The following SYT16 variants were observed in gnomAD, a reference collection of about 807,000 sequenced individuals.
SYT16 encodes the protein synaptotagmin 16, also known as synaptotagmin-16.
In SYT16, 42 loss-of-function variants were observed where a neutral mutation model predicts 61.4. The ratio of observed to expected loss-of-function variants is 0.68; its 90% CI spans 0.53 to 0.89. The LOEUF is 0.89. Among genes scored for constraint, SYT16 ranks in the 40% least tolerant of loss-of-function variants. The probability of loss-of-function intolerance (pLI) is 0.00; values close to 1 mark genes in which losing one functional copy is unlikely to be tolerated. For missense variants in SYT16, 804 were observed against 807.3 expected, an observed-to-expected ratio of 1.00 and a Z score of 0.05; for synonymous variants, 314 against 302.3, an observed-to-expected ratio of 1.04 and a Z score of -0.40.
chr14:61,917,139 G>A (rs975007695), intron 1 of SYT16, among the ~76,000 whole-genome samples: 1 of 152,110 alleles, frequency 6.6e-6, no homozygotes, highest in Admixed American at 6.6e-5. Context: ...TGGTAGGTCT[G>A]TAGTTTTTTG....
rs566422902 is a variant in SYT16 at position 61,891,910 on chromosome 14, T to A, written c.-324-78222T>A. 2.6e-5 allele frequency among the ~76,000 whole-genome samples: 4 copies of A among 152,298 alleles called. No homozygotes were observed. The East Asian group carries it at 7.7e-4, about 29-fold the overall frequency. On this transcript the variant is annotated intron_variant, in intron 1 of 7. Transcript: ENST00000683842. ...GCTTTCATCTATTTTAAAGGTTGTT[T>A]TGGAAAATATAAGAAAATTCCCTAC...
At chr14:61,970,763 AAC>A (rs764410153) in intron 2 of SYT16, among the ~76,000 whole-genome samples, 2 of 152,188 alleles carry the variant, frequency 1.3e-5, no homozygotes, top group Non-Finnish European at 2.9e-5. Context: ...AGGGAAAAAT[AAC>A]ACACTTAAAG....
intron 1 of SYT16, among the ~76,000 whole-genome samples, chr14:61,846,982 T>C (rs1033089396): frequency 5.9e-5 from 9 of 152,210 alleles, no homozygotes; most frequent in African/African-American, 2.2e-4. Context: ...TTTAAACTTT[T>C]TGTTGCTTCT....
intron 5 of SYT16, chr14:62,079,206 GTC>G (rs2056618474): frequency 7.4e-6 from 2 of 268,976 alleles, no homozygotes; most frequent in South Asian, 1.4e-4. Context: ...GTATTCAAAA[GTC>G]TCTATAGCAA....
At chr14:61,853,381 T>C (rs954339811) in intron 1 of SYT16, among the ~76,000 whole-genome samples, 1 of 152,210 alleles carries the variant, frequency 6.6e-6, no homozygotes, top group Non-Finnish European at 1.5e-5. Flanking sequence ...CCTACTGTTA[T>C]GGTTTGAGAG....
chr14:61,937,879 C>T lies in SYT16; in HGVS notation c.-324-32253C>T, dbSNP rs560808324. Among the ~76,000 whole-genome samples the T allele has an allele frequency of 3.3e-5, 5 of 152,238 alleles. No homozygotes were observed. The South Asian group carries it at 6.2e-4, about 19-fold the overall frequency. On this transcript the variant is annotated intron_variant, in intron 1 of 7. Coordinates refer to ENST00000683842, the MANE Select transcript of SYT16 (RefSeq NM_001367656.1). ...TCCATGTGTCTATGTGTCAATCACA[C>T]ATATTGACAGAATACCCGCTTGTAC...
chr14:61,837,459 G>A (rs1462890125), intron 1 of SYT16, among the ~76,000 whole-genome samples: 2 of 151,398 alleles, frequency 1.3e-5, no homozygotes, highest in Non-Finnish European at 2.9e-5. Flanking sequence ...GGCTGGTCTC[G>A]AACTCCTGGC....
chr14:62,015,825 G>A (rs1441439312), intron 3 of SYT16, among the ~76,000 whole-genome samples: 1 of 152,146 alleles, frequency 6.6e-6, no homozygotes, highest in Non-Finnish European at 1.5e-5. Flanking sequence ...AATTTCTGTT[G>A]TCCATGAGCC....
At chr14:61,865,093 G>T in intron 1 of SYT16, 1 of 1,357,954 alleles carries the variant, frequency 7.4e-7, no homozygotes, top group South Asian at 1.2e-5. Context: ...GGCCCACTGT[G>T]ACTCATCTGC....
intron 7 of SYT16, among the ~76,000 whole-genome samples, chr14:62,093,428 A>G (rs994257520): frequency 6.6e-6 from 1 of 152,026 alleles, no homozygotes; most frequent in Non-Finnish European, 1.5e-5. Context: ...TATGTAAAAG[A>G]TAGATATTAG....
At chr14:62,067,789 C>T (rs1314468718) in intron 3 of SYT16, among the ~76,000 whole-genome samples, 1 of 150,492 alleles carries the variant, frequency 6.6e-6, no homozygotes, top group Admixed American at 6.6e-5. Context: ...TGGTGAAACC[C>T]TGTCTCTACT....
At chr14:61,832,298 G>A (rs72716755) in intron 1 of SYT16, 44,734 of 588,256 alleles carry the variant, frequency 0.076, 1,997 homozygotes, top group Non-Finnish European at 0.087. Context: ...CAACATTTCC[G>A]TGTGCTCGTA....
At chr14:61,910,666 T>G (rs2048900048) in intron 1 of SYT16, among the ~76,000 whole-genome samples, 1 of 151,832 alleles carries the variant, frequency 6.6e-6, no homozygotes, top group Non-Finnish European at 1.5e-5. Flanking sequence ...GTAGCTGGGA[T>G]TACAGTCATG....
rs558227231 is a variant in SYT16 at position 62,084,130 on chromosome 14, C to G, written c.1435-66C>G. 29 of 1,531,978 alleles carry G rather than the reference C, an allele frequency of 1.9e-5. No individual in the cohort carries two copies. The East Asian group carries it at 5.9e-4, about 31-fold the overall frequency. The allele number at this position is 1,531,978 out of a possible 1,614,324, so 94.9% of individuals were successfully genotyped here. On this transcript the variant is annotated intron_variant, in intron 6 of 7. Transcript: ENST00000683842. ...GTCACAATTTCACCAAACATAATAT[C>G]GGCTTTCTCTAAAAGAGAGTAGTGC...
intron 1 of SYT16, among the ~76,000 whole-genome samples, chr14:61,928,300 T>C (rs1566687795): frequency 6.6e-6 from 1 of 152,294 alleles, no homozygotes; most frequent in East Asian, 1.9e-4. Flanking sequence ...GGAATGGACA[T>C]CAGGGGCACT....
chr14:61,828,650 T>C (rs1016466372), intron 1 of SYT16, among the ~76,000 whole-genome samples: 1 of 152,082 alleles, frequency 6.6e-6, no homozygotes. Flanking sequence ...TTGGTAGAAA[T>C]GGAAAAGAAG....
At chr14:61,972,277 A>G (rs1183686444) in intron 2 of SYT16, among the ~76,000 whole-genome samples, 4 of 152,246 alleles carry the variant, frequency 2.6e-5, no homozygotes, top group East Asian at 3.8e-4. Flanking sequence ...TTTGCAAACT[A>G]TAATGGTTAT....
chr14:62,067,917 C>T (rs2056129014), intron 3 of SYT16, among the ~76,000 whole-genome samples: 1 of 152,122 alleles, frequency 6.6e-6, no homozygotes, highest in Non-Finnish European at 1.5e-5. Flanking sequence ...ACCTAGGAGA[C>T]AGAGGTTGCA....
chr14:61,865,315 G>T, intron 1 of SYT16: 3 of 724,740 alleles, frequency 4.1e-6, no homozygotes, highest in South Asian at 2.9e-5. Context: ...CAGGGATGCG[G>T]AGAGCCTGAA....
Sources: gnomAD v4.1 joint callset for allele counts (sites outside exome capture counted in the v4.1 genomes callset) on GRCh38, gnomAD v4.1.1 for gene constraint, MANE v1.5 for transcripts, NCBI Gene and HGNC (gene_info 2026-07-23, HGNC 2026-07-21) for gene names.